FOLH1: variants seen among roughly 807,000 people sequenced by gnomAD.
FOLH1 encodes folate hydrolase 1.
Under a neutral mutation model 93.9 loss-of-function variants are expected in FOLH1, and 54 were observed. The observed-to-expected ratio is 0.57, with a 90% CI of 0.46 to 0.72. The LOEUF is 0.72. Among genes scored for constraint, FOLH1 ranks in the 30% least tolerant of loss-of-function variants. FOLH1 has a pLI of 0.00. For synonymous variants in FOLH1, 249 were observed against 303.6 expected (o/e 0.82, Z 1.87); for missense variants, 571 against 892.5 (o/e 0.64, Z 4.59).
intron 8 of FOLH1, among the ~76,000 whole-genome samples, chr11:49,175,221 G>A (rs1358984523): frequency 6.6e-6 from 1 of 152,130 alleles, no homozygotes; most frequent in Non-Finnish European, 1.5e-5. Context: ...CCTCTTCATA[G>A]AGGAGGGGGA....
intron 7 of FOLH1, among the ~76,000 whole-genome samples, chr11:49,179,827 C>T (rs1390430624): frequency 6.6e-6 from 1 of 152,038 alleles, no homozygotes; most frequent in Non-Finnish European, 1.5e-5. Flanking sequence ...ATCAGCAAAC[C>T]ATTAGTTAAA....
rs1864238869 is a variant in FOLH1 at position 49,208,557 on chromosome 11, C to T, written c.-148G>A. 3 of 551,990 alleles carry T rather than the reference C, an allele frequency of 5.4e-6. No homozygotes were observed. The highest frequency in any genetic ancestry group is 9.5e-6 in the Non-Finnish European group (3 of 314,796). 34.2% of individuals were successfully genotyped at this position (551,990 alleles called of 1,614,324 possible). ...CCTGCAGGCTGGAATTCGCTCCAGA[C>T]CTGGGGTCCAGTTTCTCCACCACAG... On this transcript the variant is annotated 5_prime_UTR_variant, in exon 1 of 19. Coordinates refer to ENST00000256999, the MANE Select transcript of FOLH1 (RefSeq NM_004476.3).
intron 11 of FOLH1, among the ~76,000 whole-genome samples, chr11:49,170,387 G>A (rs1317277944): frequency 6.6e-6 from 1 of 152,156 alleles, no homozygotes; most frequent in Non-Finnish European, 1.5e-5. Flanking sequence ...GGCCGAGGCA[G>A]GCATATCACT....
intron 15 of FOLH1, among the ~76,000 whole-genome samples, chr11:49,156,497 G>A (rs1228737158): frequency 6.6e-6 from 1 of 152,004 alleles, no homozygotes; most frequent in Non-Finnish European, 1.5e-5. Context: ...CACATTTGCA[G>A]ACATGAGTAT....
At chr11:49,167,251 G>A (rs1280459534) in intron 12 of FOLH1, among the ~76,000 whole-genome samples, 1 of 152,062 alleles carries the variant, frequency 6.6e-6, no homozygotes, top group Non-Finnish European at 1.5e-5. Context: ...CACAGGTCTG[G>A]GAGATTTGCA....
chr11:49,175,866 A>G lies in FOLH1; in HGVS notation c.1012T>C (p.Ser338Pro), dbSNP rs1486559930. ...NVGPGFTGNF[S>P]TQKVKMHIHS... ...TTAAAATAGTCTCTTAACTGTGTAG[A>G]AAAGTTTCCAGTAAAGCCAGGTCCA... Residue 338 changes from serine to proline, a missense_variant, in exon 8 of 19, where the codon TCT (serine) becomes CCT (proline). Ser to Pro is a moderately conservative substitution (Grantham distance 74, BLOSUM62 -1). Around this residue, in one of 2 missense-constraint regions of FOLH1, gnomAD observed 500 missense variants for 822.9 expected, o/e 0.61. Coordinates refer to ENST00000256999, the MANE Select transcript of FOLH1 (RefSeq NM_004476.3). The G allele has an allele frequency of 1.2e-6, 2 of 1,613,354 alleles. No individual in the cohort carries two copies. Among genetic ancestry groups the G allele is most frequent in the Non-Finnish European group, 8.5e-7 (1 of 1,179,600 alleles).
rs1858906396 is a variant in FOLH1, at chr11:49,169,335, A to G, written c.1309-77T>C. On this transcript the variant is annotated intron_variant, in intron 11 of 18. Coordinates refer to ENST00000256999, the MANE Select transcript of FOLH1 (RefSeq NM_004476.3). Reference sequence around the variant, plus strand: ...CCCCACAAAATGCACATCTACATTTAATGTATGTAGATTTCTAATTGAGCT... The same window carrying G: ...CCCCACAAAATGCACATCTACATTTGATGTATGTAGATTTCTAATTGAGCT... 5.2e-5 allele frequency: 72 copies of G among 1,392,234 alleles called. 1 individual carries two copies. In the South Asian group the frequency reaches 6.9e-4, roughly 13 times the overall value. The allele number at this position is 1,392,234 out of a possible 1,614,324, so 86.2% of individuals were successfully genotyped here.
chr11:49,155,826 AT>A (rs1299784128), intron 15 of FOLH1, among the ~76,000 whole-genome samples: 1 of 136,006 alleles, frequency 7.4e-6, no homozygotes, highest in African/African-American at 2.7e-5. Flanking sequence ...ATATATATAT[AT>A]ATATATATAA....
intron 13 of FOLH1, among the ~76,000 whole-genome samples, chr11:49,158,630 A>G (rs1031418399): frequency 2.6e-5 from 4 of 152,174 alleles, no homozygotes; most frequent in Admixed American, 1.3e-4. Flanking sequence ...TTATGGATCC[A>G]TATGAATTTT....
At chr11:49,198,597 T>G (rs1304317072) in intron 3 of FOLH1, among the ~76,000 whole-genome samples, 1 of 152,230 alleles carries the variant, frequency 6.6e-6, no homozygotes, top group African/African-American at 2.4e-5. Context: ...TGTATACATT[T>G]TAACATTGTC....
chr11:49,198,758 G>GT (rs1179366483), intron 3 of FOLH1, among the ~76,000 whole-genome samples: 2 of 150,468 alleles, frequency 1.3e-5, no homozygotes, highest in East Asian at 2.0e-4. Context: ...ATATTTTAGG[G>GT]TTTTTTTAGT....
At chr11:49,192,985 T>C in intron 3 of FOLH1, 91 bp from the exon 4 acceptor site, 2 of 1,099,262 alleles carry the variant, frequency 1.8e-6, no homozygotes, top group Non-Finnish European at 2.5e-6. Context: ...ATCTTTTATG[T>C]CAGTAGAGGG....
rs1856792129 is a variant in FOLH1 at position 49,154,461 on chromosome 11, T to G, written c.1655A>C (p.Tyr552Ser). ...CTCATATGTTTCATAGACACTGTGA[T>G]ACAGTGGATAGCCGCTGAATTTGTT... ...ETNKFSGYPL[Y>S]HSVYETYELV... The change falls in exon 16 of 19, where the codon TAT (tyrosine) becomes TCT (serine). Residue 552 changes from tyrosine to serine, a missense_variant. This residue lies in a region of FOLH1 where 500 missense variants were observed against 822.9 expected (regional missense o/e 0.61). Transcript: ENST00000256999. 6.2e-7 allele frequency: 1 copy of G among 1,601,102 alleles called. No individual in the cohort carries two copies. Among genetic ancestry groups the G allele is most frequent in the African/African-American group, 1.3e-5 (1 of 74,742 alleles).
rs753852210 is a variant in FOLH1, at chr11:49,206,054, A to T, written c.224+13T>A. Reference sequence around the variant, plus strand: ...AACAACTTGTCCATATAAACTTTCGAGGATGTACTTACTATAAGAACTTCT... The same window carrying T: ...AACAACTTGTCCATATAAACTTTCGTGGATGTACTTACTATAAGAACTTCT... On this transcript the variant is annotated intron_variant, in intron 2 of 18. Coordinates refer to ENST00000256999, the MANE Select transcript of FOLH1 (RefSeq NM_004476.3). 5 of 1,604,988 alleles carry T rather than the reference A, an allele frequency of 3.1e-6. No individual in the cohort carries two copies. The highest frequency in any genetic ancestry group is 4.3e-6 in the Non-Finnish European group (5 of 1,176,122).
chr11:49,176,656 C>G (rs1860079109), intron 7 of FOLH1, among the ~76,000 whole-genome samples: 1 of 151,862 alleles, frequency 6.6e-6, no homozygotes, highest in Non-Finnish European at 1.5e-5. Flanking sequence ...AAACAATATA[C>G]TTTTACTAAA....
At chr11:49,207,285 G>A (rs1181453303) in intron 1 of FOLH1, among the ~76,000 whole-genome samples, 3 of 152,206 alleles carry the variant, frequency 2.0e-5, no homozygotes, top group East Asian at 1.9e-4. Context: ...CACTGAGCAC[G>A]GAATACAGGG....
chr11:49,198,430 G>A lies in FOLH1; in HGVS notation c.411+1825C>T, dbSNP rs1398847053. Among the ~76,000 whole-genome samples, 3 of 150,604 alleles carry A rather than the reference G, an allele frequency of 2.0e-5. No homozygotes were observed. The East Asian group carries it at 5.8e-4, about 29-fold the overall frequency. On this transcript the variant is annotated intron_variant, in intron 3 of 18. Transcript: ENST00000256999. ...CCGGGAGGCGGAGCTTGCAGTGAGC[G>A]GAGATACCGCCACTGCACTCCAGCC... is the stretch of plus-strand genomic sequence containing the variant.
intron 3 of FOLH1, among the ~76,000 whole-genome samples, chr11:49,198,724 G>C (rs1335531110): frequency 6.6e-6 from 1 of 151,516 alleles, no homozygotes; most frequent in Non-Finnish European, 1.5e-5. Context: ...ATGACGTGTA[G>C]TGGTATTGCC....
intron 17 of FOLH1, among the ~76,000 whole-genome samples, chr11:49,149,831 C>T (rs1276500307): frequency 1.3e-5 from 2 of 152,150 alleles, no homozygotes; most frequent in African/African-American, 4.8e-5. Flanking sequence ...GCAATGCTAA[C>T]ATTTTCAAAT....
Sources: allele counts gnomAD v4.1 joint callset (sites outside exome capture counted in the v4.1 genomes callset), GRCh38; gene constraint gnomAD v4.1.1; regional missense constraint gnomAD v4.1.1; transcripts MANE v1.5; gene names NCBI Gene and HGNC (gene_info 2026-07-23, HGNC 2026-07-21).